CNTN6: variants seen among roughly 807,000 people sequenced by gnomAD.
The protein encoded by CNTN6 is contactin-6.
In CNTN6, 137 loss-of-function variants were observed where a neutral mutation model predicts 122.8. The ratio of observed to expected loss-of-function variants is 1.12; its 90% confidence interval spans 0.97 to 1.29. The LOEUF (loss-of-function observed/expected upper bound fraction) is 1.29, where lower values mean the gene tolerates loss of function less well. Among genes scored for constraint, CNTN6 ranks in the 50% most tolerant of loss-of-function variants. The pLI, the probability that CNTN6 is intolerant of heterozygous loss-of-function variation, is 0.00. For missense variants in CNTN6, 1,634 were observed against 1,223.4 expected, an observed-to-expected ratio of 1.34 and a Z score of -5.01; for synonymous variants, 570 against 426.0, an observed-to-expected ratio of 1.34 and a Z score of -4.16.
intron 2 of CNTN6, among the ~76,000 whole-genome samples, chr3:1,160,559 C>T (rs1041398264): frequency 6.7e-6 from 1 of 149,710 alleles, no homozygotes; most frequent in Non-Finnish European, 1.5e-5. Context: ...CATGATGGAC[C>T]TTGGTGTTTT....
intron 7 of CNTN6, among the ~76,000 whole-genome samples, chr3:1,302,277 T>C (rs1375773468): frequency 6.6e-6 from 1 of 152,154 alleles, no homozygotes; most frequent in Non-Finnish European, 1.5e-5. Flanking sequence ...GACTCCCTTT[T>C]ACTAATCCTT....
chr3:1,210,445 C>A (rs1223276889), intron 2 of CNTN6, among the ~76,000 whole-genome samples: 1 of 127,194 alleles, frequency 7.9e-6, no homozygotes, highest in East Asian at 2.2e-4. Flanking sequence ...AGGCTTAACT[C>A]TTTATAGAAC....
At chr3:1,252,335 C>G (rs904958372) in intron 4 of CNTN6, among the ~76,000 whole-genome samples, 1 of 152,198 alleles carries the variant, frequency 6.6e-6, no homozygotes, top group Middle Eastern at 3.4e-3. Flanking sequence ...CTTTTTTCTG[C>G]TTAGTAGTTA....
intron 2 of CNTN6, among the ~76,000 whole-genome samples, chr3:1,161,043 T>C (rs1472693983): frequency 1.3e-5 from 2 of 152,026 alleles, no homozygotes. Context: ...TATCATATCA[T>C]GGAAACTACT....
At chr3:1,364,627 T>C (rs77074130) in intron 12 of CNTN6, among the ~76,000 whole-genome samples, 6,952 of 151,980 alleles carry the variant, frequency 0.046, 526 homozygotes, top group African/African-American at 0.16. Flanking sequence ...GGTAAGAGTG[T>C]ATTTATTTGG....
Position 1,402,386 on chromosome 3 carries a change from T to G in CNTN6, c.2886T>G (p.Leu962=), listed in dbSNP as rs1414708742. The G allele has an allele frequency of 6.2e-7, 1 of 1,612,622 alleles. No individual in the cohort carries two copies. ...ILETNNTSAE[L]LVPFEEDYLI... ...AAACAAACAATACATCAGCTGAGCT[T>G]CTGGTTCCATTTGAAGAAGACTACT... is the stretch of plus-strand genomic sequence containing the variant. The change falls in exon 22 of 23, where the codon CTT becomes CTG. Residue 962 remains leucine, a synonymous_variant. Transcript: ENST00000446702.
chr3:1,245,307 TA>T lies in CNTN6; in HGVS notation c.358+17315del, dbSNP rs1467151198. Among the ~76,000 whole-genome samples, 13 of 9,814 alleles carry T rather than the reference TA, an allele frequency of 1.3e-3. 1 individual carries two copies. The highest frequency in any genetic ancestry group is 3.0e-3 in the East Asian group (1 of 334). The allele number at this position is 9,814 out of a possible 152,430, so 6.4% of individuals were successfully genotyped here. A position where few individuals can be genotyped will look rare whatever the true frequency, so the allele number is the denominator to read the frequency against. On this transcript the variant is annotated intron_variant, in intron 4 of 22. Coordinates refer to ENST00000446702, the MANE Select transcript of CNTN6 (RefSeq NM_001289080.2). ...CATATATATATAACATATATATATA[TA>T]TATATATATATATATATATATATAT... is the stretch of plus-strand genomic sequence containing the variant.
chr3:1,165,498 C>G (rs1325162101), intron 2 of CNTN6, among the ~76,000 whole-genome samples: 6 of 152,134 alleles, frequency 3.9e-5, no homozygotes, highest in Admixed American at 2.0e-4. Context: ...TTCCAATGAG[C>G]TTTTTCAAAC....
chr3:1,314,981 GA>G (rs1483620024), intron 7 of CNTN6, among the ~76,000 whole-genome samples: 2 of 151,902 alleles, frequency 1.3e-5, no homozygotes, highest in African/African-American at 4.8e-5. Flanking sequence ...TCTTTATTGA[GA>G]TTTGCATCCA....
chr3:1,372,353 G>A lies in CNTN6; in HGVS notation c.1547G>A (p.Ser516Asn). The change falls in exon 13 of 23, where the codon AGT (serine) becomes AAT (asparagine). Residue 516 changes from serine (S) to asparagine (N), a missense_variant. Coordinates refer to ENST00000446702, the MANE Select transcript of CNTN6 (RefSeq NM_001289080.2). Reference sequence around the variant, plus strand: ...AAAATGGATGTTACAGTTGGCGAGAGTATAGTGCTACCATGCCAGGTGTCC... The same window carrying A: ...AAAATGGATGTTACAGTTGGCGAGAATATAGTGCTACCATGCCAGGTGTCC... ...PSKMDVTVGE[S>N]IVLPCQVSHD... 8 of 1,613,348 alleles carry A rather than the reference G, an allele frequency of 5.0e-6. No homozygotes were observed. Among genetic ancestry groups the A allele is most frequent in the African/African-American group, 1.3e-5 (1 of 74,992 alleles).
At chr3:1,155,407 A>G (rs2092940682) in intron 2 of CNTN6, among the ~76,000 whole-genome samples, 1 of 152,202 alleles carries the variant, frequency 6.6e-6, no homozygotes, top group Non-Finnish European at 1.5e-5. Flanking sequence ...ACCTTTAGCA[A>G]TTGAACTGGT....
rs549317722 is a variant in CNTN6, at chr3:1,161,422, A to G, written c.55+13359A>G. On this transcript the variant is annotated intron_variant, in intron 2 of 22. Transcript: ENST00000446702. ...TTAGCAAAAGCCTTCTATGAAAATC[A>G]ATTGACTTATGGAATTTGTAATTAA... Among the ~76,000 whole-genome samples, 155 of 151,198 alleles carry G rather than the reference A, an allele frequency of 1.0e-3. 1 individual carries two copies. Among genetic ancestry groups the G allele is most frequent in the African/African-American group, 3.5e-3 (145 of 41,372 alleles).
intron 2 of CNTN6, among the ~76,000 whole-genome samples, chr3:1,162,463 A>G (rs2093158598): frequency 6.6e-6 from 1 of 152,166 alleles, no homozygotes; most frequent in Non-Finnish European, 1.5e-5. Context: ...ACAGAGGGAG[A>G]AGTGTGTTCT....
At chr3:1,372,631 G>A (rs770319905) in intron 13 of CNTN6, among the ~76,000 whole-genome samples, 157 bp downstream of exon 13, 5 of 151,784 alleles carry the variant, frequency 3.3e-5, no homozygotes, top group African/African-American at 4.8e-5. Flanking sequence ...ATTTTGTTTC[G>A]TGTCTTCCGT....
chr3:1,383,638 T>TA (rs1181893609), intron 19 of CNTN6, among the ~76,000 whole-genome samples: 10 of 148,826 alleles, frequency 6.7e-5, no homozygotes, highest in Non-Finnish European at 1.2e-4. Context: ...GAGCCAGTGG[T>TA]AAAAAAACAA....
rs155226 is a variant in CNTN6, at chr3:1,344,279, C to T, written c.1365-8045C>T. ...GTATCTTACTGCACACCTGCTGCCTCACTTCAAGCCATAGTCACATCATTG... is the reference window on the plus strand; with the variant it reads ...GTATCTTACTGCACACCTGCTGCCTTACTTCAAGCCATAGTCACATCATTG... On this transcript the variant is annotated intron_variant, in intron 11 of 22. Transcript: ENST00000446702. 5.8e-3 allele frequency among the ~76,000 whole-genome samples: 881 copies of T among 152,248 alleles called. 7 individuals are homozygous for T. Among genetic ancestry groups the T allele is most frequent in the African/African-American group, 0.02 (840 of 41,548 alleles).
chr3:1,282,347 G>A (rs1693612399), intron 5 of CNTN6, among the ~76,000 whole-genome samples: 1 of 152,216 alleles, frequency 6.6e-6, no homozygotes, highest in Non-Finnish European at 1.5e-5. Context: ...TATTCTAGCA[G>A]AGAAGGCATC....
rs113162875 is a variant in CNTN6 at position 1,396,625 on chromosome 3, C to T, written c.2705-4808C>T. Among the ~76,000 whole-genome samples the T allele has an allele frequency of 6.0e-4, 91 of 152,266 alleles. No individual in the cohort carries two copies. In the Middle Eastern group the frequency reaches 0.027, roughly 46 times the overall value. ...GGCTGTCATACATCAAGGCTCAGTGCCTGGTAACATGTGTTATTATACTCC... is the reference window on the plus strand; with the variant it reads ...GGCTGTCATACATCAAGGCTCAGTGTCTGGTAACATGTGTTATTATACTCC... On this transcript the variant is annotated intron_variant, in intron 20 of 22. Transcript: ENST00000446702.
intron 11 of CNTN6, among the ~76,000 whole-genome samples, chr3:1,351,246 T>A (rs911838609): frequency 6.6e-6 from 1 of 152,008 alleles, no homozygotes; most frequent in Non-Finnish European, 1.5e-5. Context: ...TTTTGTGTTA[T>A]ACATATATTA....
Sources: gnomAD v4.1 joint callset for allele counts (sites outside exome capture counted in the v4.1 genomes callset) on GRCh38, gnomAD v4.1.1 for gene constraint, MANE v1.5 for transcripts, NCBI Gene and HGNC (gene_info 2026-07-23, HGNC 2026-07-21) for gene names.